The following CSNK2A2 variants were observed in gnomAD, a reference collection of about 807,000 sequenced individuals.
CSNK2A2 encodes casein kinase 2 alpha 2.
In CSNK2A2, 8 loss-of-function variants were observed where a neutral mutation model predicts 54.0. The ratio of observed to expected loss-of-function variants is 0.15; its 90% CI spans 0.09 to 0.27. CSNK2A2 has a LOEUF of 0.27. Ranked by LOEUF, CSNK2A2 falls within the 10% of genes least tolerant of loss-of-function variation. The pLI, the probability that CSNK2A2 is intolerant of heterozygous loss-of-function variation, is 1.00. For synonymous variants in CSNK2A2, 141 were observed against 153.9 expected (o/e 0.92, Z 0.62); for missense variants, 242 against 439.4 (o/e 0.55, Z 4.02).
intron 4 of CSNK2A2, among the ~76,000 whole-genome samples, chr16:58,178,470 C>T (rs1004537233): frequency 1.3e-5 from 2 of 151,880 alleles, no homozygotes; most frequent in Admixed American, 6.6e-5. Context: ...TTTTTAGTGA[C>T]GGGGTTTTGC....
At chr16:58,177,322 G>A (rs1391687995) in intron 4 of CSNK2A2, among the ~76,000 whole-genome samples, 1 of 152,222 alleles carries the variant, frequency 6.6e-6, no homozygotes, top group Non-Finnish European at 1.5e-5. Context: ...GCTACAGGGA[G>A]AACATTATTA....
rs1381782150 is a variant in CSNK2A2, at chr16:58,197,505, C to T, written c.104+128G>A. 1 of 479,316 alleles carries T rather than the reference C, an allele frequency of 2.1e-6. No homozygotes were observed. Among genetic ancestry groups the T allele is most frequent in the South Asian group, 2.3e-5 (1 of 43,180 alleles). The allele number at this position is 479,316 out of a possible 1,614,324, so 29.7% of individuals were successfully genotyped here. A position where few individuals can be genotyped will look rare whatever the true frequency, so the allele number is the denominator to read the frequency against. On this transcript the variant is annotated intron_variant, in intron 1 of 11. Coordinates refer to ENST00000262506, the MANE Select transcript of CSNK2A2 (RefSeq NM_001896.4). The surrounding 1 kb of genome is among the most constrained non-coding windows in gnomAD (Gnocchi z 4.0). The stretch of plus-strand genomic sequence containing the variant: ...GACGAGGACATGTGCGAGAGCGGGA[C>T]CTCTGCCTCCCTGCGGGCCCGCGGA...
In CSNK2A2 at chr16:58,197,125, C is replaced by A. The variant is rs1173848496; in HGVS notation, c.105-281G>T. 4.8e-6 allele frequency: 2 copies of A among 414,120 alleles called. No individual in the cohort carries two copies. The highest frequency in any genetic ancestry group is 4.0e-5 in the African/African-American group (2 of 50,160). 25.7% of individuals were successfully genotyped at this position (414,120 alleles called of 1,614,324 possible). ...GCGAGCAAAGCACCCGTCCTGAAGG[C>A]CTAGAGGGTGCCCCCTGTGCCCCGC... On this transcript the variant is annotated intron_variant, in intron 1 of 11. Transcript: ENST00000262506. The surrounding 1 kb of genome is among the most constrained non-coding windows in gnomAD (Gnocchi z 4.0).
At chr16:58,173,633 T>C (rs554457502) in intron 5 of CSNK2A2, among the ~76,000 whole-genome samples, 3 of 152,308 alleles carry the variant, frequency 2.0e-5, no homozygotes, top group Admixed American at 6.5e-5. Flanking sequence ...TTTCCCTGCA[T>C]TAACGAGCCA....
intron 4 of CSNK2A2, among the ~76,000 whole-genome samples, chr16:58,178,023 A>C (rs1294119327): frequency 6.6e-6 from 1 of 152,242 alleles, no homozygotes; most frequent in Non-Finnish European, 1.5e-5. Flanking sequence ...ATAATAACAT[A>C]CACGACATAA....
chr16:58,194,673 T>C (rs1212527128), intron 2 of CSNK2A2, among the ~76,000 whole-genome samples: 2 of 152,194 alleles, frequency 1.3e-5, no homozygotes, highest in African/African-American at 4.8e-5. Context: ...TATGAAGAAA[T>C]AGGAAACAGG....
rs1459370533 is a variant in CSNK2A2, at chr16:58,197,716, G to C, written c.21C>G (p.Gly7=). Residue 7 remains glycine (G), a synonymous_variant, in exon 1 of 12, where the codon GGC becomes GGG. Coordinates refer to ENST00000262506, the MANE Select transcript of CSNK2A2 (RefSeq NM_001896.4). This position sits in a 1 kb window ranked among gnomAD's most constrained non-coding sequence, Gnocchi z 4.0. MPGPAA[G]SRARVYAEVN... ...CCTCGGCGTAGACCCGGGCCCTGCT[G>C]CCCGCGGCCGGGCCGGGCATGGCGG... 1.4e-5 allele frequency: 21 copies of C among 1,488,398 alleles called. No homozygotes were observed. Among genetic ancestry groups the C allele is most frequent in the Non-Finnish European group, 1.9e-5 (21 of 1,115,742 alleles). The allele number at this position is 1,488,398 out of a possible 1,614,324, so 92.2% of individuals were successfully genotyped here. A position where few individuals can be genotyped will look rare whatever the true frequency, so the allele number is the denominator to read the frequency against.
At chr16:58,183,438 T>C (rs1011965011) in intron 4 of CSNK2A2, among the ~76,000 whole-genome samples, 1 of 151,992 alleles carries the variant, frequency 6.6e-6, no homozygotes, top group Admixed American at 6.6e-5. Context: ...CCATCCGTCC[T>C]GATACCAACA....
Position 58,177,284 on chromosome 16 carries a change from T to C in CSNK2A2, c.370-2774A>G, listed in dbSNP as rs543135964. On this transcript the variant is annotated intron_variant, in intron 4 of 11. Transcript: ENST00000262506. ...TTAGAAAGAGAAACGTCACAAGAACTACACTTTCTCTCCCTTCTTCTTAGC... is the reference window on the plus strand; with the variant it reads ...TTAGAAAGAGAAACGTCACAAGAACCACACTTTCTCTCCCTTCTTCTTAGC... 7.2e-5 allele frequency among the ~76,000 whole-genome samples: 11 copies of C among 152,346 alleles called. No individual in the cohort carries two copies. In the South Asian group the frequency reaches 2.3e-3, roughly 32 times the overall value.
chr16:58,170,039 CA>C (rs112142605), intron 5 of CSNK2A2, among the ~76,000 whole-genome samples: 181 of 143,438 alleles, frequency 1.3e-3, no homozygotes, highest in African/African-American at 4.5e-3. Flanking sequence ...AAGCGGGTCT[CA>C]AAAAAAAAAC....
rs1961541409 is a variant in CSNK2A2, at chr16:58,165,577, A to G, written c.959T>C (p.Met320Thr). ...HQQRLTAKEA[M>T]EHPYFYPVVK... ...AGACTCACAGAAGTATGGGTGCTCC[A>G]TGGCCTCTTTGGCAGTCAGTCTCTG... Residue 320 changes from methionine to threonine, a missense_variant, in exon 10 of 12, where the codon ATG (methionine) becomes ACG (threonine). This residue lies in a region of CSNK2A2 where 81 missense variants were observed against 135.0 expected (regional missense o/e 0.60). Coordinates refer to ENST00000262506, the MANE Select transcript of CSNK2A2 (RefSeq NM_001896.4). 1 of 1,613,626 alleles carries G rather than the reference A, an allele frequency of 6.2e-7. No individual in the cohort carries two copies. The highest frequency in any genetic ancestry group is 8.5e-7 in the Non-Finnish European group (1 of 1,179,846).
chr16:58,182,392 A>C (rs1453288897), intron 4 of CSNK2A2, among the ~76,000 whole-genome samples: 1 of 145,744 alleles, frequency 6.9e-6, no homozygotes, highest in East Asian at 2.0e-4. Context: ...AAAAAAAAAA[A>C]AAAAAAAAAA....
intron 4 of CSNK2A2, among the ~76,000 whole-genome samples, chr16:58,183,660 T>C (rs61667621): frequency 0.067 from 10,188 of 152,242 alleles, 416 homozygotes; most frequent in South Asian, 0.2. Context: ...AACCTTGATA[T>C]TAAGGTTTTA....
chr16:58,166,544 C>A (rs1026284995), intron 9 of CSNK2A2, 40 bp downstream of exon 9: 3 of 1,381,042 alleles, frequency 2.2e-6, no homozygotes, highest in Non-Finnish European at 1.0e-6. Flanking sequence ...ACTTCTGAAA[C>A]GGGGTAAGGT....
At chr16:58,166,473 G>C in intron 9 of CSNK2A2, 111 bp downstream of exon 9, 2 of 645,136 alleles carry the variant, frequency 3.1e-6, no homozygotes, top group African/African-American at 3.6e-5. Context: ...GAAAAAAGAG[G>C]GCTACTTCCA....
At chr16:58,167,831 T>G (rs1597110559) in intron 6 of CSNK2A2, 36 bp from the exon 7 acceptor site, 2 of 1,508,640 alleles carry the variant, frequency 1.3e-6, no homozygotes, top group East Asian at 2.3e-5. Context: ...GTGAAAGGAG[T>G]GTTTCTAGAC....
At chr16:58,167,532 C>A (rs1409231966) in intron 7 of CSNK2A2, among the ~76,000 whole-genome samples, 153 bp downstream of exon 7, 1 of 152,044 alleles carries the variant, frequency 6.6e-6, no homozygotes, top group East Asian at 1.9e-4. Context: ...CTCTGTCCCC[C>A]CAAAAAACTA....
chr16:58,171,098 T>C (rs920284527), intron 5 of CSNK2A2, among the ~76,000 whole-genome samples: 2 of 152,042 alleles, frequency 1.3e-5, no homozygotes, highest in Non-Finnish European at 2.9e-5. Flanking sequence ...TAAACTAGAC[T>C]CTTGAGGACA....
chr16:58,170,017 G>C (rs1185189033), intron 5 of CSNK2A2, among the ~76,000 whole-genome samples: 1 of 152,078 alleles, frequency 6.6e-6, no homozygotes, highest in Non-Finnish European at 1.5e-5. Context: ...TTGCACTTCA[G>C]CCTGGGCAAC....
Sources: allele counts gnomAD v4.1 joint callset (sites outside exome capture counted in the v4.1 genomes callset), GRCh38; gene constraint gnomAD v4.1.1; regional missense constraint gnomAD v4.1.1; non-coding constraint Gnocchi (gnomAD v3.1); transcripts MANE v1.5; gene names NCBI Gene and HGNC (gene_info 2026-07-23, HGNC 2026-07-21).